The following RUNX1 variants were observed in gnomAD, a reference collection of about 807,000 sequenced individuals.
The protein encoded by RUNX1 is runt-related transcription factor 1.
RUNX1 carries 19 observed loss-of-function variants against 42.8 expected under a neutral mutation model. The observed-to-expected ratio is 0.44, with a 90% CI of 0.31 to 0.65. The LOEUF (loss-of-function observed/expected upper bound fraction) is 0.65. RUNX1 is among the 30% of genes least tolerant of loss of function. RUNX1 has a pLI of 0.07. For synonymous variants in RUNX1, 271 were observed against 289.4 expected, an observed-to-expected ratio of 0.94 and a Z score of 0.64; for missense variants, 528 against 672.0, an observed-to-expected ratio of 0.79 and a Z score of 2.37.
At chr21:34,987,125 C>CTGAAAGAGGAACGTTGTTT (rs1201483975) in intron 2 of RUNX1, among the ~76,000 whole-genome samples, 1 of 152,220 alleles carries the variant, frequency 6.6e-6, no homozygotes, top group African/African-American at 2.4e-5. Flanking sequence ...CAATCAATGG[C>CTGAAAGAGGAACGTTGTTT]TGAAAGAGGA....
At chr21:35,014,369 A>C (rs2059145273) in intron 2 of RUNX1, among the ~76,000 whole-genome samples, 1 of 152,182 alleles carries the variant, frequency 6.6e-6, no homozygotes, top group Non-Finnish European at 1.5e-5. Context: ...TGTTCAGGTG[A>C]GGAGTAGTGG....
intron 6 of RUNX1, among the ~76,000 whole-genome samples, chr21:34,839,887 G>A (rs1045741174): frequency 7.2e-5 from 11 of 152,148 alleles, no homozygotes; most frequent in African/African-American, 2.7e-4. Flanking sequence ...AGAAACACGC[G>A]AACTAAATAT....
chr21:34,999,766 G>A (rs563116719), intron 2 of RUNX1, among the ~76,000 whole-genome samples: 55 of 152,310 alleles, frequency 3.6e-4, no homozygotes, highest in African/African-American at 1.2e-3. Context: ...CTTCTCTCCC[G>A]TTAGGCACAA....
intron 4 of RUNX1, among the ~76,000 whole-genome samples, chr21:34,884,964 G>A (rs2057959549): frequency 6.6e-6 from 1 of 152,138 alleles, no homozygotes; most frequent in South Asian, 2.1e-4. Context: ...TATGGTTTCT[G>A]CTAGAAAGAA....
At chr21:34,930,270 GTATATA>G (rs1555906427) in intron 2 of RUNX1, among the ~76,000 whole-genome samples, 1 of 123,038 alleles carries the variant, frequency 8.1e-6, no homozygotes, top group Non-Finnish European at 1.6e-5. Flanking sequence ...GTGTGTGTAT[GTATATA>G]TATATATATA....
At chr21:34,942,926 C>T (rs1445182138) in intron 2 of RUNX1, among the ~76,000 whole-genome samples, 1 of 152,226 alleles carries the variant, frequency 6.6e-6, no homozygotes, top group Non-Finnish European at 1.5e-5. Context: ...ACCAGATGCA[C>T]ATATCAACTG....
intron 6 of RUNX1, among the ~76,000 whole-genome samples, chr21:34,851,617 A>G (rs1181316499): frequency 6.6e-6 from 1 of 152,152 alleles, no homozygotes; most frequent in Non-Finnish European, 1.5e-5. Context: ...CATGTCATAC[A>G]ATGAATTCTA....
chr21:34,823,817 C>T lies in RUNX1; in HGVS notation c.805+10593G>A, dbSNP rs532339233. Among the ~76,000 whole-genome samples the T allele has an allele frequency of 1.3e-4, 20 of 152,232 alleles. No individual in the cohort carries two copies. The East Asian group carries it at 1.5e-3, about 12-fold the overall frequency. ...TGACATGAGACACACAGGTCAGAAT[C>T]GCCATCTCCTCTTCCCTCTGCCCAT... On this transcript the variant is annotated intron_variant, in intron 7 of 8. Transcript: ENST00000675419.
intron 2 of RUNX1, among the ~76,000 whole-genome samples, chr21:35,038,274 C>T (rs529983424): frequency 6.6e-6 from 1 of 152,262 alleles, no homozygotes; most frequent in Non-Finnish European, 1.5e-5. Flanking sequence ...TCCCCGATCC[C>T]ACCCCTGAGC....
chr21:34,848,183 C>T (rs2057344218), intron 6 of RUNX1, among the ~76,000 whole-genome samples: 1 of 152,142 alleles, frequency 6.6e-6, no homozygotes, highest in Admixed American at 6.5e-5. Flanking sequence ...GGTTTTATAC[C>T]CAAGGAGGCT....
At chr21:34,871,350 C>T (rs1339967488) in intron 5 of RUNX1, among the ~76,000 whole-genome samples, 4 of 151,662 alleles carry the variant, frequency 2.6e-5, no homozygotes, top group Non-Finnish European at 4.4e-5. Context: ...TGATCTCTGT[C>T]GAATCTAGGA....
Position 34,907,334 on chromosome 21 carries a change from C to T in RUNX1, c.59-14371G>A, listed in dbSNP as rs1333116454. On this transcript the variant is annotated intron_variant, in intron 2 of 8. Coordinates refer to ENST00000675419, the MANE Select transcript of RUNX1 (RefSeq NM_001754.5). This position sits in a 1 kb window ranked among gnomAD's most constrained non-coding sequence, Gnocchi z 5.3. ...GACTTCTAAACAATAGGTTGTGACC[C>T]ATAGATTGGTTGTTAATAATAATAA... Among the ~76,000 whole-genome samples the T allele has an allele frequency of 1.3e-5, 2 of 152,042 alleles. No individual in the cohort carries two copies. Among genetic ancestry groups the T allele is most frequent in the Non-Finnish European group, 2.9e-5 (2 of 68,008 alleles).
intron 6 of RUNX1, among the ~76,000 whole-genome samples, chr21:34,847,972 C>T (rs1357607105): frequency 6.6e-6 from 1 of 151,920 alleles, no homozygotes; most frequent in Non-Finnish European, 1.5e-5. Flanking sequence ...ATTTGGCCCC[C>T]ACTTGAACAG....
At chr21:34,953,462 G>A (rs140003148) in intron 2 of RUNX1, among the ~76,000 whole-genome samples, 9 of 152,248 alleles carry the variant, frequency 5.9e-5, no homozygotes, top group African/African-American at 2.2e-4. Flanking sequence ...GATGTCCAGA[G>A]CTCAGGCAGC....
At chr21:34,805,919 A>G (rs2145932362) in intron 7 of RUNX1, among the ~76,000 whole-genome samples, 1 of 152,356 alleles carries the variant, frequency 6.6e-6, no homozygotes, top group African/African-American at 2.4e-5. Flanking sequence ...ATTTGATGCT[A>G]GATGTAGATT....
At position 34,959,281 on chromosome 21, in the gene RUNX1, A is replaced by G. The variant is rs140708306; in HGVS notation, c.59-66318T>C. On this transcript the variant is annotated intron_variant, in intron 2 of 8. Transcript: ENST00000675419. ...TCTCCAGTGGTATTGTTAGGGGAAC[A>G]AAGAAGTGCACTGTGACTTTCCTGG... Among the ~76,000 whole-genome samples the G allele has an allele frequency of 5.7e-3, 870 of 152,214 alleles. 6 individuals are homozygous for G. Among genetic ancestry groups the G allele is most frequent in the African/African-American group, 0.02 (835 of 41,524 alleles).
intron 6 of RUNX1, among the ~76,000 whole-genome samples, chr21:34,844,398 G>T (rs1415125098): frequency 6.6e-6 from 1 of 152,158 alleles, no homozygotes; most frequent in Admixed American, 6.5e-5. Flanking sequence ...GCGTGAGCAT[G>T]TTACCAGCAC....
intron 2 of RUNX1, among the ~76,000 whole-genome samples, chr21:34,942,198 G>T (rs1002518008): frequency 4.6e-5 from 7 of 151,890 alleles, no homozygotes; most frequent in Non-Finnish European, 1.0e-4. Flanking sequence ...TAGAATTTGG[G>T]GCTAGATCCC....
intron 5 of RUNX1, among the ~76,000 whole-genome samples, chr21:34,866,447 C>T (rs1368947137): frequency 6.6e-6 from 1 of 152,200 alleles, no homozygotes; most frequent in Non-Finnish European, 1.5e-5. Context: ...GGCTTTGGGT[C>T]TAATTTTAAT....
Sources: allele counts gnomAD v4.1 joint callset (sites outside exome capture counted in the v4.1 genomes callset), GRCh38; gene constraint gnomAD v4.1.1; non-coding constraint Gnocchi (gnomAD v3.1); transcripts MANE v1.5; gene names NCBI Gene and HGNC (gene_info 2026-07-23, HGNC 2026-07-21).